Variants in ATXN7L1 observed in about 807,000 individuals in gnomAD.
The protein encoded by ATXN7L1 is ataxin-7-like protein 1.
A neutral mutation model predicts 70.8 loss-of-function variants in ATXN7L1; 15 were observed. The observed-to-expected ratio is 0.21, with a 90% CI of 0.14 to 0.33. The LOEUF (loss-of-function observed/expected upper bound fraction) is 0.33. Ranked by LOEUF, ATXN7L1 falls within the 10% of genes least tolerant of loss-of-function variation. The pLI is 1.00. For missense variants in ATXN7L1, 975 were observed against 1,097.1 expected (o/e 0.89, Z 1.57); for synonymous variants, 440 against 445.1 (o/e 0.99, Z 0.14).
intron 3 of ATXN7L1, among the ~76,000 whole-genome samples, chr7:105,774,353 C>CTT (rs34037396): frequency 0.045 from 6,105 of 135,366 alleles, 566 homozygotes; most frequent in African/African-American, 0.16. Flanking sequence ...GCCAGCAACC[C>CTT]TTTTTTTTTT....
intron 5 of ATXN7L1, 29 bp downstream of exon 5, chr7:105,642,809 A>G: frequency 2.0e-6 from 3 of 1,536,400 alleles, no homozygotes; most frequent in Non-Finnish European, 2.6e-6. Context: ...TCTAATCATG[A>G]GTCAGACCCT....
At chr7:105,674,015 A>C in intron 3 of ATXN7L1, among the ~76,000 whole-genome samples, 1 of 152,194 alleles carries the variant, frequency 6.6e-6, no homozygotes, top group East Asian at 1.9e-4. Context: ...CCATGCCAGG[A>C]GTGCTTGTGA....
intron 3 of ATXN7L1, among the ~76,000 whole-genome samples, chr7:105,710,895 G>C (rs574500513): frequency 1.3e-5 from 2 of 152,138 alleles, no homozygotes; most frequent in Non-Finnish European, 2.9e-5. Flanking sequence ...TGGTCTTACA[G>C]TTCCACATGG....
At chr7:105,610,213 T>TAA (rs1793028355) in intron 11 of ATXN7L1, among the ~76,000 whole-genome samples, 1 of 152,234 alleles carries the variant, frequency 6.6e-6, no homozygotes, top group Non-Finnish European at 1.5e-5. Flanking sequence ...TAATAATAGC[T>TAA]AACACTTGTG....
Position 105,628,094 on chromosome 7 carries a change from C to T in ATXN7L1, c.1203-3827G>A, listed in dbSNP as rs185097020. On this transcript the variant is annotated intron_variant, in intron 7 of 11. Transcript: ENST00000419735. ...TCTTGACCTCGTGATCCACCCGTCT[C>T]GGCCTCCCAAAGTGTTGGGATTACA... Among the ~76,000 whole-genome samples, 1,038 of 152,126 alleles carry T rather than the reference C, an allele frequency of 6.8e-3. 5 individuals are homozygous for T. Among genetic ancestry groups the T allele is most frequent in the Middle Eastern group, 0.014 (4 of 292 alleles).
At chr7:105,785,596 A>AG (rs746745943) in intron 3 of ATXN7L1, among the ~76,000 whole-genome samples, 2 of 26,060 alleles carry the variant, frequency 7.7e-5, no homozygotes, top group African/African-American at 7.4e-4. Context: ...AAGGAAAGAG[A>AG]AAAAAAAAAG....
At chr7:105,808,616 A>G (rs1002699507) in intron 2 of ATXN7L1, among the ~76,000 whole-genome samples, 1 of 152,254 alleles carries the variant, frequency 6.6e-6, no homozygotes, top group Non-Finnish European at 1.5e-5. Context: ...CTTGTTAAGA[A>G]GAGAGAAAAC....
chr7:105,868,673 G>A (rs1817825687), intron 2 of ATXN7L1, among the ~76,000 whole-genome samples: 1 of 152,152 alleles, frequency 6.6e-6, no homozygotes, highest in Admixed American at 6.5e-5. Flanking sequence ...CAAGCAACTG[G>A]GGATGGGGTG....
intron 2 of ATXN7L1, among the ~76,000 whole-genome samples, chr7:105,827,184 C>T (rs1443330739): frequency 6.6e-6 from 1 of 152,210 alleles, no homozygotes; most frequent in Non-Finnish European, 1.5e-5. Flanking sequence ...GTCAAAGTGG[C>T]ATCCATATTT....
chr7:105,783,030 C>T (rs999651666), intron 3 of ATXN7L1, among the ~76,000 whole-genome samples: 2 of 152,154 alleles, frequency 1.3e-5, no homozygotes, highest in African/African-American at 2.4e-5. Context: ...TGCCAGAAAA[C>T]GATACAACCT....
intron 2 of ATXN7L1, among the ~76,000 whole-genome samples, chr7:105,817,030 A>T (rs1367344458): frequency 6.6e-6 from 1 of 152,248 alleles, no homozygotes; most frequent in African/African-American, 2.4e-5. Context: ...GACATAAAAA[A>T]GCAACATTTT....
intron 3 of ATXN7L1, among the ~76,000 whole-genome samples, chr7:105,723,229 T>A (rs1795409681): frequency 6.6e-6 from 1 of 152,206 alleles, no homozygotes; most frequent in Non-Finnish European, 1.5e-5. Flanking sequence ...ACTTTCTAGC[T>A]GTTAGTCTTT....
intron 4 of ATXN7L1, among the ~76,000 whole-genome samples, chr7:105,648,448 T>C (rs1345221621): frequency 6.6e-6 from 1 of 152,164 alleles, no homozygotes; most frequent in Non-Finnish European, 1.5e-5. Context: ...CTTTCTTTAC[T>C]ACAGCTGGCA....
intron 2 of ATXN7L1, among the ~76,000 whole-genome samples, chr7:105,830,710 C>T (rs1484575626): frequency 6.6e-6 from 1 of 152,230 alleles, no homozygotes; most frequent in African/African-American, 2.4e-5. Context: ...GCAGCTAGAA[C>T]CAACATTCCT....
chr7:105,675,807 A>C (rs909898143), intron 3 of ATXN7L1, among the ~76,000 whole-genome samples: 1 of 152,204 alleles, frequency 6.6e-6, no homozygotes, highest in African/African-American at 2.4e-5. Context: ...GAAGAGAGAA[A>C]GTAGGTGCCA....
chr7:105,733,661 TCCATCCATCCATCCATCCACCCATCCAC>T (rs1796952053), intron 3 of ATXN7L1, among the ~76,000 whole-genome samples: 2 of 123,396 alleles, frequency 1.6e-5, no homozygotes, highest in African/African-American at 6.5e-5. Flanking sequence ...CATCCATCCA[TCCATCCATCCATCCATCCACCCATCCAC>T]CCATCCATCC....
chr7:105,664,174 G>A (rs1489139774), intron 4 of ATXN7L1, among the ~76,000 whole-genome samples: 1 of 151,962 alleles, frequency 6.6e-6, no homozygotes, highest in Non-Finnish European at 1.5e-5. Flanking sequence ...GCCTCTGCTG[G>A]TGGCTATTCC....
rs139627882 is a variant in ATXN7L1 at position 105,713,605 on chromosome 7, A to T, written c.356-48317T>A. Among the ~76,000 whole-genome samples the T allele has an allele frequency of 3.1e-3, 473 of 152,376 alleles. 4 individuals carry two copies. Among genetic ancestry groups the T allele is most frequent in the African/African-American group, 0.011 (455 of 41,594 alleles). On this transcript the variant is annotated intron_variant, in intron 3 of 11. Coordinates refer to ENST00000419735, the MANE Select transcript of ATXN7L1 (RefSeq NM_020725.2). ...AGAAAGCAGGGCCTGAGGCCCTTAA[A>T]CTATAGCAGGCACAGTGGCAATAAG...
chr7:105,875,272 C>G (rs909557161), intron 2 of ATXN7L1: 2 of 155,066 alleles, frequency 1.3e-5, no homozygotes, highest in Non-Finnish European at 2.9e-5. Context: ...AGGGGCTGCA[C>G]ATACAGATGC....
Sources: gnomAD v4.1 joint callset for allele counts (sites outside exome capture counted in the v4.1 genomes callset) on GRCh38, gnomAD v4.1.1 for gene constraint, MANE v1.5 for transcripts, NCBI Gene and HGNC (gene_info 2026-07-23, HGNC 2026-07-21) for gene names.